ARL15: variants seen among roughly 807,000 people sequenced by gnomAD.
ARL15 encodes ADP-ribosylation factor-like protein 15.
In ARL15, 19 loss-of-function variants were observed where a neutral mutation model predicts 25.2. The ratio of observed to expected loss-of-function variants is 0.75; its 90% CI spans 0.53 to 1.10. The LOEUF is 1.10. ARL15 is among the 50% of genes least tolerant of loss of function. The pLI, the probability that ARL15 is intolerant of heterozygous loss-of-function variation, is 0.00. For missense variants in ARL15, 220 were observed against 246.0 expected (o/e 0.89, Z 0.71); for synonymous variants, 94 against 86.8 (o/e 1.08, Z -0.46).
intron 4 of ARL15, among the ~76,000 whole-genome samples, chr5:54,019,497 G>A (rs1320158113): frequency 6.6e-6 from 1 of 152,156 alleles, no homozygotes; most frequent in Admixed American, 6.5e-5. Flanking sequence ...TTGTTGGAAG[G>A]ATTTCTTAAA....
chr5:53,941,653 A>G (rs1243336635), intron 4 of ARL15, among the ~76,000 whole-genome samples: 1 of 152,184 alleles, frequency 6.6e-6, no homozygotes, highest in African/African-American at 2.4e-5. Context: ...ACCAGAACCC[A>G]CAAATTTGCC....
chr5:54,092,047 A>AACACACACACACACACACAC (rs758037549), intron 4 of ARL15, among the ~76,000 whole-genome samples: 4,831 of 146,096 alleles, frequency 0.033, 144 homozygotes, highest in Non-Finnish European at 0.044. Context: ...TCAAATTGAA[A>AACACACACACACACACACAC]ACACACACAC....
intron 1 of ARL15, among the ~76,000 whole-genome samples, chr5:54,234,537 T>C (rs1363684511): frequency 6.6e-6 from 1 of 152,108 alleles, no homozygotes; most frequent in Non-Finnish European, 1.5e-5. Flanking sequence ...CATCCTACAA[T>C]AGCATCCACT....
chr5:54,027,454 C>T (rs1749815325), intron 4 of ARL15, among the ~76,000 whole-genome samples: 1 of 152,142 alleles, frequency 6.6e-6, no homozygotes, highest in African/African-American at 2.4e-5. Context: ...AAATGAACTG[C>T]AGAATATGGT....
At chr5:53,911,656 C>A (rs1745468679) in intron 4 of ARL15, among the ~76,000 whole-genome samples, 1 of 152,020 alleles carries the variant, frequency 6.6e-6, no homozygotes, top group Non-Finnish European at 1.5e-5. Flanking sequence ...GTACACTGTA[C>A]CCAATGTGTA....
In ARL15 at chr5:54,291,067, G is replaced by A. The variant is rs188131298; in HGVS notation, c.48+19365C>T. 2.4e-3 allele frequency among the ~76,000 whole-genome samples: 367 copies of A among 152,264 alleles called. 1 individual carries two copies. The highest frequency in any genetic ancestry group is 8.3e-3 in the African/African-American group (345 of 41,558). Reference sequence around the variant, plus strand: ...GAACGTGGTCTAACAACCACTTAAAGGTTCAAAAAAATTTCTATTTGCCTA... The same window carrying A: ...GAACGTGGTCTAACAACCACTTAAAAGTTCAAAAAAATTTCTATTTGCCTA... On this transcript the variant is annotated intron_variant, in intron 1 of 4. Coordinates refer to ENST00000504924, the MANE Select transcript of ARL15 (RefSeq NM_019087.3).
intron 4 of ARL15, among the ~76,000 whole-genome samples, chr5:54,072,784 C>T (rs1308104951): frequency 6.6e-6 from 1 of 152,176 alleles, no homozygotes; most frequent in Admixed American, 6.5e-5. Context: ...CCTTTTCCCA[C>T]TCCCTTTCCA....
intron 3 of ARL15, among the ~76,000 whole-genome samples, chr5:54,120,531 A>T (rs1055724559): frequency 2.6e-5 from 4 of 152,220 alleles, no homozygotes; most frequent in African/African-American, 9.6e-5. Flanking sequence ...CTGAAAGCAT[A>T]GAAAGAAAAA....
chr5:54,245,212 T>A (rs1757058283), intron 1 of ARL15, among the ~76,000 whole-genome samples: 1 of 152,192 alleles, frequency 6.6e-6, no homozygotes, highest in African/African-American at 2.4e-5. Context: ...AAATTAGTAA[T>A]TATGGATTTG....
chr5:53,904,744 T>TA (rs1745186479), intron 4 of ARL15, among the ~76,000 whole-genome samples: 1 of 149,062 alleles, frequency 6.7e-6, no homozygotes, highest in African/African-American at 2.5e-5. Context: ...GTTCCTTTTT[T>TA]TTTTTTTTTT....
At chr5:54,011,280 A>T (rs566088777) in intron 4 of ARL15, among the ~76,000 whole-genome samples, 4 of 152,314 alleles carry the variant, frequency 2.6e-5, no homozygotes, top group African/African-American at 7.2e-5. Flanking sequence ...GTAAAATTTA[A>T]GTGTTTCACC....
chr5:53,978,721 GAA>G (rs1491410730), intron 4 of ARL15, among the ~76,000 whole-genome samples: 1 of 150,538 alleles, frequency 6.6e-6, no homozygotes, highest in African/African-American at 2.4e-5. Flanking sequence ...GTTCATATAA[GAA>G]TATATATATA....
intron 1 of ARL15, among the ~76,000 whole-genome samples, chr5:54,232,918 T>C (rs1756711858): frequency 6.6e-6 from 1 of 152,216 alleles, no homozygotes; most frequent in East Asian, 1.9e-4. Context: ...CATGGACTCC[T>C]GAGGGTCCCC....
chr5:53,963,802 C>G (rs1244253687), intron 4 of ARL15, among the ~76,000 whole-genome samples: 2 of 124,024 alleles, frequency 1.6e-5, no homozygotes, highest in Non-Finnish European at 3.4e-5. Flanking sequence ...GAGTGAAACT[C>G]CATCACACAC....
At chr5:54,084,252 A>G (rs1425712642) in intron 4 of ARL15, among the ~76,000 whole-genome samples, 1 of 152,100 alleles carries the variant, frequency 6.6e-6, no homozygotes, top group Non-Finnish European at 1.5e-5. Context: ...GCCTTTCAGG[A>G]CACCGTATGC....
chr5:53,975,280 T>C (rs1023944833), intron 4 of ARL15, among the ~76,000 whole-genome samples: 6 of 152,242 alleles, frequency 3.9e-5, no homozygotes, highest in African/African-American at 1.4e-4. Context: ...CAATTAGCTA[T>C]GTCACTAAGA....
chr5:54,061,119 A>C (rs566641588), intron 4 of ARL15, among the ~76,000 whole-genome samples: 2 of 152,300 alleles, frequency 1.3e-5, no homozygotes, highest in Non-Finnish European at 1.5e-5. Flanking sequence ...TCTAGGAAGA[A>C]AAAGTGGTTT....
At chr5:53,992,203 G>A (rs962726517) in intron 4 of ARL15, among the ~76,000 whole-genome samples, 1 of 152,182 alleles carries the variant, frequency 6.6e-6, no homozygotes, top group African/African-American at 2.4e-5. Context: ...GTACTTGACA[G>A]ATACCAAACA....
At chr5:54,118,148 C>T (rs1204469118) in intron 3 of ARL15, among the ~76,000 whole-genome samples, 1 of 152,146 alleles carries the variant, frequency 6.6e-6, no homozygotes, top group Non-Finnish European at 1.5e-5. Context: ...CCAGATTCCA[C>T]ACTACAACTG....
Sources: allele counts gnomAD v4.1 joint callset (sites outside exome capture counted in the v4.1 genomes callset), GRCh38; gene constraint gnomAD v4.1.1; transcripts MANE v1.5; gene names NCBI Gene and HGNC (gene_info 2026-07-23, HGNC 2026-07-21).